Variants in GATB observed in about 807,000 individuals in gnomAD.
The protein encoded by GATB is glutamyl-tRNA(Gln) amidotransferase subunit B, mitochondrial.
In GATB, 39 loss-of-function variants were observed where a neutral mutation model predicts 62.3. That is an observed-to-expected ratio of 0.63 (90% CI 0.48 to 0.82). GATB has a LOEUF of 0.82. GATB is among the 40% of genes least tolerant of loss of function. GATB has a pLI of 0.00. For synonymous variants in GATB, 276 were observed against 258.9 expected, an observed-to-expected ratio of 1.07 and a Z score of -0.63; for missense variants, 670 against 684.0, an observed-to-expected ratio of 0.98 and a Z score of 0.23.
intron 6 of GATB, among the ~76,000 whole-genome samples, chr4:151,706,897 G>C (rs148936182): frequency 6.6e-6 from 1 of 152,102 alleles, no homozygotes; most frequent in African/African-American, 2.4e-5. Flanking sequence ...AGATAGCTTC[G>C]GTTTTAAAAA....
In GATB at chr4:151,679,860, G is replaced by A; in HGVS notation, c.1363C>T (p.Leu455Phe). The A allele has an allele frequency of 6.2e-7, 1 of 1,614,168 alleles. No individual in the cohort carries two copies. The highest frequency in any genetic ancestry group is 8.5e-7 in the Non-Finnish European group (1 of 1,180,016). ...PVTPSALAEL[L>F]DLLDSRTISS... ...ATTGTTCTGCTGTCCAGCAGGTCAAGAAGCTCAGCGAGTGCAGAGGGTGTG... is the reference window on the plus strand; with the variant it reads ...ATTGTTCTGCTGTCCAGCAGGTCAAAAAGCTCAGCGAGTGCAGAGGGTGTG... The change falls in exon 11 of 13, where the codon CTT becomes TTT. Residue 455 changes from leucine (L) to phenylalanine (F), a missense_variant. Coordinates refer to ENST00000263985, the MANE Select transcript of GATB (RefSeq NM_004564.3).
Position 151,678,142 on chromosome 4 carries a change from A to C in GATB, c.1410+1671T>G, listed in dbSNP as rs1435787598. Among the ~76,000 whole-genome samples, 6 of 152,324 alleles carry C rather than the reference A, an allele frequency of 3.9e-5. No homozygotes were observed. In the East Asian group the frequency reaches 7.7e-4, roughly 20 times the overall value. On this transcript the variant is annotated intron_variant, in intron 11 of 12. Coordinates refer to ENST00000263985, the MANE Select transcript of GATB (RefSeq NM_004564.3). ...AAAAACCCCAAGGCAATGATACATC[A>C]CGGGGACCCCCTTAAGCAACACACA...
At chr4:151,687,935 C>T (rs966662657) in intron 10 of GATB, among the ~76,000 whole-genome samples, 2 of 152,212 alleles carry the variant, frequency 1.3e-5, no homozygotes, top group Non-Finnish European at 2.9e-5. Flanking sequence ...GAGTGAGACA[C>T]ACTGCATTTC....
chr4:151,700,308 T>C (rs1738575671), intron 9 of GATB, among the ~76,000 whole-genome samples: 1 of 152,068 alleles, frequency 6.6e-6, no homozygotes, highest in African/African-American at 2.4e-5. Context: ...AAGACAGTGA[T>C]ATAATTGCCA....
chr4:151,694,959 A>C (rs1283623948), intron 9 of GATB, among the ~76,000 whole-genome samples: 1 of 152,204 alleles, frequency 6.6e-6, no homozygotes, highest in African/African-American at 2.4e-5. Context: ...GTCAGAAACA[A>C]AGGATTATGA....
chr4:151,688,240 G>A (rs1181734111), intron 10 of GATB, among the ~76,000 whole-genome samples: 4 of 152,122 alleles, frequency 2.6e-5, no homozygotes, highest in Non-Finnish European at 4.4e-5. Flanking sequence ...GCCCTGGTTG[G>A]TTCCCCAGCC....
At chr4:151,673,402 G>A (rs1394861083) in intron 11 of GATB, 1 of 153,562 alleles carries the variant, frequency 6.5e-6, no homozygotes, top group African/African-American at 2.4e-5. Context: ...ACAGCCTGCA[G>A]GAGGTAACCA....
rs908976798 is a variant in GATB, at chr4:151,670,656, T to A, written c.*518A>T. The A allele has an allele frequency of 6.5e-6, 1 of 152,938 alleles. No individual in the cohort carries two copies. Among genetic ancestry groups the A allele is most frequent in the South Asian group, 2.1e-4 (1 of 4,852 alleles). 9.5% of individuals were successfully genotyped at this position (152,938 alleles called of 1,614,324 possible). A position where few individuals can be genotyped will look rare whatever the true frequency, so the allele number is the denominator to read the frequency against. On this transcript the variant is annotated 3_prime_UTR_variant, in exon 13 of 13. Coordinates refer to ENST00000263985, the MANE Select transcript of GATB (RefSeq NM_004564.3). Reference sequence around the variant, plus strand: ...AGACCTCCTTAAACAAACAAATGTGTTTATACTGTGCCAGTTTATTTGGTT... The same window carrying A: ...AGACCTCCTTAAACAAACAAATGTGATTATACTGTGCCAGTTTATTTGGTT...
intron 11 of GATB, chr4:151,674,190 G>A (rs893603957): frequency 6.6e-6 from 1 of 152,202 alleles, no homozygotes; most frequent in Non-Finnish European, 1.5e-5. Context: ...GAAAAATACA[G>A]AATGCACGTG....
rs1054968150 is a variant in GATB at position 151,679,999 on chromosome 4, C to T, written c.1332-108G>A. On this transcript the variant is annotated intron_variant, in intron 10 of 12. Transcript: ENST00000263985. The stretch of plus-strand genomic sequence containing the variant: ...TGCTCTAGTGGGGGTAAATATCGGA[C>T]CCACGCCTAGGGATGAAAACAGCAG... The T allele has an allele frequency of 6.8e-6, 6 of 881,734 alleles. No homozygotes were observed. The African/African-American group carries it at 8.3e-5, about 12-fold the overall frequency. The allele number at this position is 881,734 out of a possible 1,614,324, so 54.6% of individuals were successfully genotyped here.
At position 151,701,446 on chromosome 4, in the gene GATB, T is replaced by G; in HGVS notation, c.1080A>C (p.Pro360=). ...TCTGGTCAATATTGATCACTTGCTGTGGGTCTGCACCTGCGGGCAGAGATG... is the reference window on the plus strand; with the variant it reads ...TCTGGTCAATATTGATCACTTGCTGGGGGTCTGCACCTGCGGGCAGAGATG... ...DATSLPAGAD[P]QQVINIDQIR... is the part of the protein sequence containing the mutation. The change falls in exon 9 of 13, where the codon CCA becomes CCC. Residue 360 remains proline, a synonymous_variant. Coordinates refer to ENST00000263985, the MANE Select transcript of GATB (RefSeq NM_004564.3). 6.2e-7 allele frequency: 1 copy of G among 1,603,364 alleles called. No individual in the cohort carries two copies. Among genetic ancestry groups the G allele is most frequent in the Non-Finnish European group, 8.5e-7 (1 of 1,174,690 alleles).
At chr4:151,721,874 T>C (rs1739038607) in intron 2 of GATB, 1 of 335,394 alleles carries the variant, frequency 3.0e-6, no homozygotes, top group South Asian at 5.0e-5. Context: ...ACTGTGTCCG[T>C]GTGCACACAA....
At chr4:151,748,468 G>A (rs1395562071) in intron 2 of GATB, among the ~76,000 whole-genome samples, 1 of 152,188 alleles carries the variant, frequency 6.6e-6, no homozygotes, top group African/African-American at 2.4e-5. Flanking sequence ...TATGTAGAAA[G>A]CTGAAACTGG....
At chr4:151,687,985 T>C (rs575903322) in intron 10 of GATB, among the ~76,000 whole-genome samples, 3 of 152,310 alleles carry the variant, frequency 2.0e-5, no homozygotes, top group African/African-American at 7.2e-5. Flanking sequence ...TCTATGGCTG[T>C]CAAGAGCTGG....
chr4:151,716,327 G>T (rs1014060378), intron 4 of GATB, 196 bp from the exon 5 acceptor site: 1 of 563,882 alleles, frequency 1.8e-6, no homozygotes, highest in East Asian at 3.4e-5. Context: ...CTGCTGCCCA[G>T]GCTGGAATGC....
intron 10 of GATB, among the ~76,000 whole-genome samples, chr4:151,681,285 T>C (rs1369101411): frequency 6.6e-6 from 1 of 152,216 alleles, no homozygotes; most frequent in Non-Finnish European, 1.5e-5. Flanking sequence ...CAGCCCATCA[T>C]CCTGTAAGTG....
chr4:151,698,051 G>A (rs1199772826), intron 9 of GATB, among the ~76,000 whole-genome samples: 3 of 146,150 alleles, frequency 2.1e-5, no homozygotes, highest in African/African-American at 7.7e-5. Flanking sequence ...ATAGGTTGAA[G>A]TTTTAGGTGG....
chr4:151,698,509 C>T (rs1301435957), intron 9 of GATB, among the ~76,000 whole-genome samples: 2 of 152,088 alleles, frequency 1.3e-5, no homozygotes, highest in Admixed American at 6.5e-5. Context: ...TACTCCTGGG[C>T]GCTCTTTAAA....
chr4:151,712,015 T>C (rs1213965102), intron 5 of GATB, among the ~76,000 whole-genome samples: 1 of 152,214 alleles, frequency 6.6e-6, no homozygotes, highest in Non-Finnish European at 1.5e-5. Context: ...TTGCAATACT[T>C]GGGAGACAAC....
Sources: allele counts gnomAD v4.1 joint callset (sites outside exome capture counted in the v4.1 genomes callset), GRCh38; gene constraint gnomAD v4.1.1; transcripts MANE v1.5; gene names NCBI Gene and HGNC (gene_info 2026-07-23, HGNC 2026-07-21).